FRYL: variants seen among roughly 807,000 people sequenced by gnomAD.
FRYL encodes the protein FRY like transcription coactivator.
FRYL carries 150 observed loss-of-function variants against 351.2 expected under a neutral mutation model. That is an observed-to-expected ratio of 0.43 (90% confidence interval 0.37 to 0.49). The LOEUF (loss-of-function observed/expected upper bound fraction) is 0.49, where lower values mean the gene tolerates loss of function less well. FRYL is among the 20% of genes least tolerant of loss of function. The probability of loss-of-function intolerance (pLI) is 0.00; values close to 1 mark genes in which losing one functional copy is unlikely to be tolerated. For synonymous variants in FRYL, 1,153 were observed against 1,257.1 expected (o/e 0.92, Z 1.75); for missense variants, 3,036 against 3,619.3 (o/e 0.84, Z 4.13).
At chr4:48,741,823 G>T (rs1168280318) in intron 1 of FRYL, among the ~76,000 whole-genome samples, 3 of 152,240 alleles carry the variant, frequency 2.0e-5, no homozygotes, top group Non-Finnish European at 4.4e-5. Flanking sequence ...TTCCAGAAAT[G>T]GTAAAACTAT....
chr4:48,564,132 G>A (rs375502595), intron 30 of FRYL, 30 bp from the exon 31 acceptor site: 57 of 1,610,990 alleles, frequency 3.5e-5, no homozygotes, highest in Non-Finnish European at 4.8e-5. Flanking sequence ...TTGCCCGAGA[G>A]AGAACGTTAT....
At chr4:48,593,247 A>T (rs535873915) in intron 16 of FRYL, among the ~76,000 whole-genome samples, 1 of 128,898 alleles carries the variant, frequency 7.8e-6, no homozygotes, top group Non-Finnish European at 1.6e-5. Context: ...AATATAAACA[A>T]TGTGAAGTAA....
At chr4:48,590,391 T>A (rs1196847996) in intron 17 of FRYL, among the ~76,000 whole-genome samples, 1 of 151,950 alleles carries the variant, frequency 6.6e-6, no homozygotes, top group Admixed American at 6.6e-5. Flanking sequence ...GGCTGAGGCA[T>A]GAAAATCACT....
chr4:48,506,269 C>T (rs1720893483), intron 59 of FRYL: 1 of 151,780 alleles, frequency 6.6e-6, no homozygotes, highest in African/African-American at 2.4e-5. Flanking sequence ...TGTGGTGGCT[C>T]CTGCCTGTAA....
intron 37 of FRYL, 118 bp downstream of exon 37, chr4:48,551,376 T>C: frequency 1.8e-6 from 1 of 567,528 alleles, no homozygotes; most frequent in Non-Finnish European, 2.9e-6. Context: ...AATATATTTT[T>C]TTCACTCGAA....
intron 1 of FRYL, among the ~76,000 whole-genome samples, chr4:48,719,984 T>A (rs1769284301): frequency 6.6e-6 from 1 of 150,748 alleles, no homozygotes; most frequent in Non-Finnish European, 1.5e-5. Flanking sequence ...ACCCTATCCC[T>A]ACTAAAAATA....
intron 27 of FRYL, among the ~76,000 whole-genome samples, chr4:48,568,676 A>G (rs186466934): frequency 1.9e-3 from 291 of 152,330 alleles, no homozygotes; most frequent in Non-Finnish European, 2.9e-3. Context: ...TAACTAGATC[A>G]GTCTACAACA....
chr4:48,686,054 T>G (rs1375655281), intron 2 of FRYL, among the ~76,000 whole-genome samples: 1 of 152,178 alleles, frequency 6.6e-6, no homozygotes, highest in Non-Finnish European at 1.5e-5. Flanking sequence ...CTTGGTATTT[T>G]TCTATAGCTA....
intron 7 of FRYL, among the ~76,000 whole-genome samples, chr4:48,615,746 G>A (rs1560721125): frequency 1.3e-5 from 2 of 152,090 alleles, no homozygotes; most frequent in South Asian, 2.1e-4. Flanking sequence ...ACAATGAAAA[G>A]TTTCATTCAA....
At chr4:48,776,837 T>C (rs1240788288) in intron 1 of FRYL, among the ~76,000 whole-genome samples, 1 of 152,220 alleles carries the variant, frequency 6.6e-6, no homozygotes, top group African/African-American at 2.4e-5. Flanking sequence ...TATTAAAAAA[T>C]GTATTTAAAA....
chr4:48,698,185 A>G (rs1766382903), intron 2 of FRYL, among the ~76,000 whole-genome samples: 1 of 152,210 alleles, frequency 6.6e-6, no homozygotes, highest in Admixed American at 6.5e-5. Context: ...ACAGTCATCA[A>G]CCTGAGTGGA....
At chr4:48,565,099 T>C (rs1736469700) in intron 29 of FRYL, 56 bp from the exon 30 acceptor site, 2 of 1,027,176 alleles carry the variant, frequency 1.9e-6, no homozygotes, top group Non-Finnish European at 2.9e-6. Flanking sequence ...TAAATGTTGG[T>C]TGCTTAATGA....
Position 48,618,075 on chromosome 4 carries a change from G to A in FRYL, c.411+1199C>T, listed in dbSNP as rs185783380. On this transcript the variant is annotated intron_variant, in intron 7 of 63. Transcript: ENST00000358350. ...CCAGTCCTTAGCTCTTCCTATCCTA[G>A]TGACTGCTGCCTTAAGGTCTTAGTA... is the stretch of plus-strand genomic sequence containing the variant. 2.0e-5 allele frequency: 3 copies of A among 152,268 alleles called. No homozygotes were observed. The East Asian group carries it at 5.8e-4, about 29-fold the overall frequency. 9.4% of individuals were successfully genotyped at this position (152,268 alleles called of 1,614,324 possible). A position where few individuals can be genotyped will look rare whatever the true frequency, so the allele number is the denominator to read the frequency against.
At chr4:48,702,383 GA>G (rs1489333717) in intron 2 of FRYL, among the ~76,000 whole-genome samples, 1 of 138,456 alleles carries the variant, frequency 7.2e-6, no homozygotes, top group Non-Finnish European at 1.5e-5. Flanking sequence ...TTGAACCCTA[GA>G]GGCGGAGGTT....
At chr4:48,507,756 C>T (rs1358382316) in intron 59 of FRYL, among the ~76,000 whole-genome samples, 23 of 152,098 alleles carry the variant, frequency 1.5e-4, no homozygotes, top group Admixed American at 1.2e-3. Flanking sequence ...TATTGAGGGC[C>T]AATATCCTGG....
chr4:48,647,777 T>C (rs1308285237), intron 3 of FRYL, among the ~76,000 whole-genome samples: 1 of 152,196 alleles, frequency 6.6e-6, no homozygotes, highest in African/African-American at 2.4e-5. Context: ...GTTTACTTAA[T>C]AGTACAATGA....
chr4:48,514,902 G>C, intron 56 of FRYL, 126 bp downstream of exon 56: 1 of 802,668 alleles, frequency 1.2e-6, no homozygotes, highest in Non-Finnish European at 1.9e-6. Flanking sequence ...AACACACAAA[G>C]TATGATTACA....
intron 1 of FRYL, among the ~76,000 whole-genome samples, chr4:48,758,713 C>T (rs151246578): frequency 2.4e-4 from 36 of 152,296 alleles, no homozygotes; most frequent in African/African-American, 8.4e-4. Context: ...ACATTTGACC[C>T]AGTCATCCCA....
At position 48,602,143 on chromosome 4, in the gene FRYL, C is replaced by T. The variant is rs187676800; in HGVS notation, c.934-22G>A. The T allele has an allele frequency of 7.1e-3, 8,518 of 1,204,544 alleles. 59 individuals carry two copies. The highest frequency in any genetic ancestry group is 0.016 in the Middle Eastern group (83 of 5,288). 74.6% of individuals were successfully genotyped at this position (1,204,544 alleles called of 1,614,324 possible). ...AAGCCTATAGGAGACGGGGAAAAGA[C>T]AGAATTAACATTTTTCATCGAAAAG... On this transcript the variant is annotated intron_variant, in intron 12 of 63. Transcript: ENST00000358350.
Sources: gnomAD v4.1 joint callset for allele counts (sites outside exome capture counted in the v4.1 genomes callset) on GRCh38, gnomAD v4.1.1 for gene constraint, MANE v1.5 for transcripts, NCBI Gene and HGNC (gene_info 2026-07-23, HGNC 2026-07-21) for gene names.